The following OAS3 variants were observed in gnomAD, a reference collection of about 807,000 sequenced individuals.
OAS3 encodes 2'-5'-oligoadenylate synthase 3.
In OAS3, 107 loss-of-function variants were observed where a neutral mutation model predicts 113.0. The ratio of observed to expected loss-of-function variants is 0.95; its 90% CI spans 0.81 to 1.11. The LOEUF (loss-of-function observed/expected upper bound fraction) is 1.11, where lower values mean the gene tolerates loss of function less well. Ranked by LOEUF, OAS3 falls within the 50% of genes most tolerant of loss-of-function variation. The pLI, the probability that OAS3 is intolerant of heterozygous loss-of-function variation, is 0.00. For missense variants in OAS3, 1,258 were observed against 1,389.1 expected, an observed-to-expected ratio of 0.91 and a Z score of 1.50; for synonymous variants, 552 against 573.6, an observed-to-expected ratio of 0.96 and a Z score of 0.54.
Position 112,938,639 on chromosome 12 carries a change from G to A in OAS3, c.109G>A (p.Ala37Thr). Residue 37 changes from alanine (A) to threonine (T), a missense_variant, in exon 1 of 16, where the codon GCC (alanine) becomes ACC (threonine). Transcript: ENST00000228928. ...EKARRALGAL[A>T]AALRERGGRL... is the part of the protein sequence containing the mutation. ...GGCGCGGCGCGCTCTGGGCGCCCTG[G>A]CCGCTGCCCTGAGGGAGCGCGGGGG... 1 of 1,605,618 alleles carries A rather than the reference G, an allele frequency of 6.2e-7. No homozygotes were observed. Among genetic ancestry groups the A allele is most frequent in the South Asian group, 1.1e-5 (1 of 90,168 alleles).
intron 7 of OAS3, 68 bp from the exon 8 acceptor site, chr12:112,961,003 G>A (rs1037223623): frequency 1.9e-5 from 28 of 1,461,630 alleles, no homozygotes; most frequent in South Asian, 1.3e-4. Context: ...GCTGGTGAAT[G>A]GATGGGTTGG....
At chr12:112,951,047 A>C in intron 7 of OAS3, 72 bp downstream of exon 7, 1 of 1,464,844 alleles carries the variant, frequency 6.8e-7, no homozygotes, top group Non-Finnish European at 9.2e-7. Context: ...GGCACCTGCC[A>C]TCCTCTTTGT....
chr12:112,964,303 C>T lies in OAS3; in HGVS notation c.2298C>T (p.Asn766=). The change falls in exon 11 of 16, where the codon AAC becomes AAT. Residue 766 remains asparagine, a synonymous_variant. Coordinates refer to ENST00000228928, the MANE Select transcript of OAS3 (RefSeq NM_006187.4). The part of the protein sequence containing the change: ...DKFISEFLQP[N]RQFLAQVNKA... ...TCATCAGTGAATTTCTCCAGCCCAA[C>T]CGCCAGTTCCTGGCCCAGGTGAACA... is the stretch of plus-strand genomic sequence containing the variant. 1 of 1,608,756 alleles carries T rather than the reference C, an allele frequency of 6.2e-7. No individual in the cohort carries two copies. The highest frequency in any genetic ancestry group is 8.5e-7 in the Non-Finnish European group (1 of 1,177,588).
At chr12:112,942,540 C>T (rs2043689177) in intron 2 of OAS3, among the ~76,000 whole-genome samples, 1 of 151,552 alleles carries the variant, frequency 6.6e-6, no homozygotes, top group Admixed American at 6.6e-5. Context: ...GATCTAGTCT[C>T]TACAAATAAT....
At position 112,970,030 on chromosome 12, in the gene OAS3, C is replaced by T; in HGVS notation, c.*57C>T. 6.3e-7 allele frequency: 1 copy of T among 1,586,952 alleles called. No individual in the cohort carries two copies. Among genetic ancestry groups the T allele is most frequent in the Non-Finnish European group, 8.6e-7 (1 of 1,164,184 alleles). ...AGAGAAGATGGACACCAGCCCTCAG[C>T]ATGAGGAAATTCAGGGTCCCCTACC... On this transcript the variant is annotated 3_prime_UTR_variant, in exon 16 of 16. Coordinates refer to ENST00000228928, the MANE Select transcript of OAS3 (RefSeq NM_006187.4).
Position 112,972,347 on chromosome 12 carries a change from G to A in OAS3, c.*2374G>A, listed in dbSNP as rs964130926. 1 of 152,208 alleles carries A rather than the reference G, an allele frequency of 6.6e-6. No individual in the cohort carries two copies. Among genetic ancestry groups the A allele is most frequent in the Non-Finnish European group, 1.5e-5 (1 of 68,048 alleles). 9.4% of individuals were successfully genotyped at this position (152,208 alleles called of 1,614,324 possible). Reference sequence around the variant, plus strand: ...TCAGTCTTTGGCAATGGCCACCCTGGTGTTGGCATATTGGCCCCACTGTAA... The same window carrying A: ...TCAGTCTTTGGCAATGGCCACCCTGATGTTGGCATATTGGCCCCACTGTAA... On this transcript the variant is annotated 3_prime_UTR_variant, in exon 16 of 16. Transcript: ENST00000228928.
chr12:112,944,383 C>A, intron 2 of OAS3, 93 bp from the exon 3 acceptor site: 2 of 1,379,010 alleles, frequency 1.5e-6, no homozygotes, highest in South Asian at 1.2e-5. Flanking sequence ...TTCCCACTCT[C>A]TCTCAGCGCC....
At position 112,948,867 on chromosome 12, in the gene OAS3, C is replaced by A; in HGVS notation, c.1036C>A (p.Pro346Thr). 2.6e-6 allele frequency: 4 copies of A among 1,567,938 alleles called. No individual in the cohort carries two copies. Among genetic ancestry groups the A allele is most frequent in the Non-Finnish European group, 3.5e-6 (4 of 1,154,772 alleles). Reference protein sequence around the residue: ...PVQSWKGPGLPRAGCSGLGHP... With the variant: ...PVQSWKGPGLTRAGCSGLGHP... ...TCCTTCAATGACCTTCCAGGGCCTTCCACGTGCTGGATGCTCAGGTTTGGG... is the reference window on the plus strand; with the variant it reads ...TCCTTCAATGACCTTCCAGGGCCTTACACGTGCTGGATGCTCAGGTTTGGG... The change falls in exon 6 of 16, where the codon CCA (proline) becomes ACA (threonine). Residue 346 changes from proline (P) to threonine (T), a missense_variant. Coordinates refer to ENST00000228928, the MANE Select transcript of OAS3 (RefSeq NM_006187.4).
At chr12:112,967,912 C>T (rs374288500) in intron 13 of OAS3, 24 bp from the exon 14 acceptor site, 1 of 1,606,704 alleles carries the variant, frequency 6.2e-7, no homozygotes, top group Non-Finnish European at 8.5e-7. Context: ...TATGAACCAA[C>T]ATATCTTTCT....
rs769603563 is a variant in OAS3 at position 112,964,374 on chromosome 12, G to A, written c.2369G>A (p.Arg790Gln). 21 of 1,612,294 alleles carry A rather than the reference G, an allele frequency of 1.3e-5. No homozygotes were observed. Among genetic ancestry groups the A allele is most frequent in the East Asian group, 6.7e-5 (3 of 44,862 alleles). ...ICSFLKENCF[R>Q]NSPIKVIKVV... ...TCATTTTTGAAGGAAAACTGCTTCC[G>A]GAATTCTCCCATCAAAGTGATCAAG... Residue 790 changes from arginine (R) to glutamine (Q), a missense_variant, in exon 11 of 16, where the codon CGG becomes CAG. Coordinates refer to ENST00000228928, the MANE Select transcript of OAS3 (RefSeq NM_006187.4).
intron 4 of OAS3, among the ~76,000 whole-genome samples, chr12:112,947,229 A>T (rs559074629): frequency 2.1e-4 from 32 of 152,364 alleles, no homozygotes; most frequent in African/African-American, 7.5e-4. Context: ...GATGTATAGC[A>T]GAAAGTGCAT....
chr12:112,950,504 C>T (rs1259209978), intron 6 of OAS3, 189 bp from the exon 7 acceptor site: 1 of 652,448 alleles, frequency 1.5e-6, no homozygotes, highest in Non-Finnish European at 2.6e-6. Context: ...CAGGCAGATA[C>T]AACTTGACTC....
chr12:112,969,270 A>G, intron 14 of OAS3: 1 of 267,422 alleles, frequency 3.7e-6, no homozygotes, highest in Non-Finnish European at 7.3e-6. Context: ...CAAGCATTTT[A>G]GATAAGAAAT....
intron 3 of OAS3, chr12:112,944,953 TAC>T: frequency 2.4e-6 from 1 of 410,898 alleles, no homozygotes; most frequent in South Asian, 2.1e-5. Context: ...ACAAAATATC[TAC>T]AGTTTAATGT....
intron 13 of OAS3, 127 bp from the exon 14 acceptor site, chr12:112,967,809 G>A: frequency 1.7e-6 from 2 of 1,183,014 alleles, no homozygotes; most frequent in Middle Eastern, 4.3e-4. Flanking sequence ...ATAATGCATG[G>A]CAAGGCATCT....
intron 5 of OAS3, among the ~76,000 whole-genome samples, chr12:112,948,503 A>ATAC: frequency 6.9e-5 from 1 of 14,482 alleles, no homozygotes; most frequent in Non-Finnish European, 1.3e-4. Flanking sequence ...ACTCCGTCCC[A>ATAC]AAAAAAAAAA....
At chr12:112,946,494 CT>C (rs908589277) in intron 3 of OAS3, among the ~76,000 whole-genome samples, 2 of 152,182 alleles carry the variant, frequency 1.3e-5, no homozygotes, top group African/African-American at 4.8e-5. Context: ...TCTCTGACTG[CT>C]CCCTGCCTCC....
chr12:112,957,730 T>C (rs1285950084), intron 7 of OAS3, among the ~76,000 whole-genome samples: 2 of 152,254 alleles, frequency 1.3e-5, no homozygotes, highest in Non-Finnish European at 2.9e-5. Flanking sequence ...GGCTTCCCTT[T>C]GTGGGTAACT....
chr12:112,963,544 G>T lies in OAS3; in HGVS notation c.2229+87G>T. 7.6e-7 allele frequency: 1 copy of T among 1,307,584 alleles called. No individual in the cohort carries two copies. The allele number at this position is 1,307,584 out of a possible 1,614,324, so 81.0% of individuals were successfully genotyped here. On this transcript the variant is annotated intron_variant, in intron 10 of 15. Coordinates refer to ENST00000228928, the MANE Select transcript of OAS3 (RefSeq NM_006187.4). This position sits in a 1 kb window ranked among gnomAD's most constrained non-coding sequence, Gnocchi z 4.6. ...TAACCTGCCGGTGCACCCATCCCCA[G>T]CTGCTAGGAGTGTTGGTGGCTGACA...
Sources: allele counts gnomAD v4.1 joint callset (sites outside exome capture counted in the v4.1 genomes callset), GRCh38; gene constraint gnomAD v4.1.1; non-coding constraint Gnocchi (gnomAD v3.1); transcripts MANE v1.5; gene names NCBI Gene and HGNC (gene_info 2026-07-23, HGNC 2026-07-21).